Variants in COL6A3 observed in about 807,000 individuals in gnomAD.
COL6A3 encodes the protein collagen type VI alpha 3 chain.
Under a neutral mutation model 274.1 loss-of-function variants are expected in COL6A3, and 137 were observed. The observed-to-expected ratio is 0.50, with a 90% CI of 0.44 to 0.58. The LOEUF (loss-of-function observed/expected upper bound fraction) is 0.58, where lower values mean the gene tolerates loss of function less well. Among genes scored for constraint, COL6A3 ranks in the 20% least tolerant of loss-of-function variants. The pLI, the probability that COL6A3 is intolerant of heterozygous loss-of-function variation, is 0.00. For synonymous variants in COL6A3, 1,650 were observed against 1,650.6 expected, an observed-to-expected ratio of 1.00 and a Z score of 0.01; for missense variants, 3,950 against 4,124.9, an observed-to-expected ratio of 0.96 and a Z score of 1.16.
At position 237,371,160 on chromosome 2, in the gene COL6A3, T is replaced by TC. The variant is rs1389206064; in HGVS notation, c.4285+571dup. Among the ~76,000 whole-genome samples the TC allele has an allele frequency of 2.0e-5, 3 of 152,036 alleles. No homozygotes were observed. Among genetic ancestry groups the TC allele is most frequent in the African/African-American group, 7.2e-5 (3 of 41,394 alleles). On this transcript the variant is annotated intron_variant, in intron 9 of 43. Coordinates refer to ENST00000295550, the MANE Select transcript of COL6A3 (RefSeq NM_004369.4). The surrounding 1 kb of genome is among the most constrained non-coding windows in gnomAD (Gnocchi z 4.3). ...CAAAATGACCTGCCACTAGCTCAAG[T>TC]CCCCCCAGTCCTTCCGGCCACCCTC... is the stretch of plus-strand genomic sequence containing the variant.
intron 1 of COL6A3, among the ~76,000 whole-genome samples, chr2:237,403,849 C>G (rs936695694): frequency 1.3e-5 from 2 of 151,928 alleles, no homozygotes; most frequent in African/African-American, 4.8e-5. Flanking sequence ...AACTTTGCCC[C>G]TTCACTCTCT....
intron 7 of COL6A3, among the ~76,000 whole-genome samples, chr2:237,376,327 A>G (rs6727774): frequency 0.37 from 56,105 of 152,066 alleles, 12,027 homozygotes; most frequent in African/African-American, 0.6. Flanking sequence ...AAAGTTATCT[A>G]CCTCTTCTAC....
intron 36 of COL6A3, chr2:237,343,728 G>C (rs1209140366): frequency 6.1e-6 from 1 of 162,734 alleles, no homozygotes; most frequent in Non-Finnish European, 1.3e-5. Flanking sequence ...ACCTCACTGA[G>C]AGACTACAGG....
Position 237,340,949 on chromosome 2 carries a change from T to G in COL6A3, c.7967A>C (p.Lys2656Thr). The change falls in exon 38 of 44, where the codon AAG (lysine) becomes ACG (threonine). Residue 2656 changes from lysine to threonine, a missense_variant. This residue lies in a region of COL6A3 where 1,284 missense variants were observed against 1,349.7 expected (regional missense o/e 0.95). Transcript: ENST00000295550. Reference sequence around the variant, plus strand: ...CACTCTGGCGAAGTGCTGGGAGGCCTTGGGATCTGGGCTCATGTCCAGTTG... The same window carrying G: ...CACTCTGGCGAAGTGCTGGGAGGCCGTGGGATCTGGGCTCATGTCCAGTTG... ...VRQLDMSPDPKASQHFARVAV... is the reference protein window; with the variant it reads ...VRQLDMSPDPTASQHFARVAV... 1 of 1,614,020 alleles carries G rather than the reference T, an allele frequency of 6.2e-7. No homozygotes were observed. Among genetic ancestry groups the G allele is most frequent in the South Asian group, 1.1e-5 (1 of 91,062 alleles).
Position 237,359,374 on chromosome 2 carries a change from G to A in COL6A3, c.6297C>T (p.Phe2099=). The A allele has an allele frequency of 6.2e-7, 1 of 1,613,856 alleles. No individual in the cohort carries two copies. The highest frequency in any genetic ancestry group is 8.5e-7 in the Non-Finnish European group (1 of 1,179,954). Reference sequence around the variant, plus strand: ...CAAGCTTGCATACCTTCTCTCCTGGGAATCCCCGAGAGCCCTAGAAGGCAA... The same window carrying A: ...CAAGCTTGCATACCTTCTCTCCTGGAAATCCCCGAGAGCCCTAGAAGGCAA... ...GQRGVKGSRG[F]PGEKGEVGEI... The change falls in exon 18 of 44, where the codon TTC becomes TTT. Residue 2099 remains phenylalanine (F), a synonymous_variant. Transcript: ENST00000295550.
chr2:237,337,112 TCAAA>T (rs1484124011), intron 39 of COL6A3, among the ~76,000 whole-genome samples: 3 of 152,174 alleles, frequency 2.0e-5, no homozygotes, highest in Non-Finnish European at 4.4e-5. Flanking sequence ...AGCAGCCTAA[TCAAA>T]CAGACATAAC....
chr2:237,353,516 C>A, intron 24 of COL6A3, 113 bp from the exon 25 acceptor site: 1 of 871,586 alleles, frequency 1.1e-6, no homozygotes, highest in East Asian at 2.5e-5. Context: ...AGGGAAAACT[C>A]AGCTCTTCCA....
At chr2:237,390,722 A>G (rs1443638353) in intron 3 of COL6A3, among the ~76,000 whole-genome samples, 4 of 152,212 alleles carry the variant, frequency 2.6e-5, no homozygotes, top group Non-Finnish European at 4.4e-5. Flanking sequence ...GCCTCCTTTC[A>G]TTAAGAAAAA....
At chr2:237,365,226 A>T (rs1452376569) in intron 12 of COL6A3, among the ~76,000 whole-genome samples, 1 of 151,038 alleles carries the variant, frequency 6.6e-6, no homozygotes, top group East Asian at 1.9e-4. Flanking sequence ...AGCCCTGCCG[A>T]CACCTCGAGG....
At chr2:237,402,098 G>A (rs562250237) in intron 1 of COL6A3, among the ~76,000 whole-genome samples, 1 of 152,226 alleles carries the variant, frequency 6.6e-6, no homozygotes, top group South Asian at 2.1e-4. Flanking sequence ...AGGATATTAT[G>A]CTAAGTGAAA....
rs889162005 is a variant in COL6A3 at position 237,353,231 on chromosome 2, G to C, written c.6690+110C>G. On this transcript the variant is annotated intron_variant, in intron 25 of 43. Transcript: ENST00000295550. ...ATTGTGGAAGTACCAAATGCCACTG[G>C]ATTGTTCACTTTAAAATGGTTAACT... The C allele has an allele frequency of 9.6e-6, 10 of 1,037,824 alleles. No homozygotes were observed. The African/African-American group carries it at 1.6e-4, about 16-fold the overall frequency. 64.3% of individuals were successfully genotyped at this position (1,037,824 alleles called of 1,614,324 possible). A position where few individuals can be genotyped will look rare whatever the true frequency, so the allele number is the denominator to read the frequency against.
chr2:237,363,376 C>G lies in COL6A3; in HGVS notation c.5940G>C (p.Val1980=). Residue 1980 remains valine (V), a synonymous_variant, in exon 14 of 44, where the codon GTG becomes GTC. Transcript: ENST00000295550. The part of the protein sequence containing the change: ...RQEGVRALIL[V]GLERVVNLER... ...CCAAGTTGACCACTCGTTCAAGGCC[C>G]ACCAGGATCAAGGCACGGACTCCTG... The G allele has an allele frequency of 6.2e-7, 1 of 1,614,210 alleles. No individual in the cohort carries two copies. The highest frequency in any genetic ancestry group is 8.5e-7 in the Non-Finnish European group (1 of 1,180,048).
At position 237,380,374 on chromosome 2, in the gene COL6A3, G is replaced by A. The variant is rs145511251; in HGVS notation, c.1897+541C>T. On this transcript the variant is annotated intron_variant, in intron 5 of 43. Transcript: ENST00000295550. ...CCACTGGCAATCATATTAAATGAGGGATTTGAAGAACCACTAGGTTTGAAC... is the reference window on the plus strand; with the variant it reads ...CCACTGGCAATCATATTAAATGAGGAATTTGAAGAACCACTAGGTTTGAAC... 4.1e-3 allele frequency among the ~76,000 whole-genome samples: 618 copies of A among 152,346 alleles called. 5 individuals carry two copies. Among genetic ancestry groups the A allele is most frequent in the Non-Finnish European group, 4.8e-3 (330 of 68,042 alleles).
At chr2:237,349,067 C>T (rs2077153281) in intron 28 of COL6A3, among the ~76,000 whole-genome samples, 1 of 152,038 alleles carries the variant, frequency 6.6e-6, no homozygotes, top group South Asian at 2.1e-4. Flanking sequence ...CACTGAACTC[C>T]ATCTCTCAGG....
At chr2:237,358,956 T>C (rs2077376158) in intron 20 of COL6A3, 79 bp downstream of exon 20, 2 of 1,530,820 alleles carry the variant, frequency 1.3e-6, no homozygotes, top group Non-Finnish European at 1.8e-6. Context: ...TTGATGTATA[T>C]GAGGAAAGAA....
chr2:237,377,896 T>A (rs1015133149), intron 6 of COL6A3, among the ~76,000 whole-genome samples: 4 of 152,258 alleles, frequency 2.6e-5, no homozygotes, highest in East Asian at 1.9e-4. Flanking sequence ...TGGGTCAGGC[T>A]CCTTGTCAAT....
At chr2:237,359,136 C>T (rs1190506064) in intron 19 of COL6A3, 48 bp from the exon 20 acceptor site, 14 of 1,613,626 alleles carry the variant, frequency 8.7e-6, no homozygotes, top group Non-Finnish European at 1.2e-5. Context: ...ATTTCTATCA[C>T]AGACTGAGTT....
Position 237,342,299 on chromosome 2 carries a change from C to T in COL6A3, c.7669-138G>A, listed in dbSNP as rs2077003489. ...TAGGGCAGTATTGGGAATATCTTCT[C>T]ATTTGGGGGTGGGGTTAGGCTCTGA... On this transcript the variant is annotated intron_variant, in intron 36 of 43. Transcript: ENST00000295550. 4 of 729,912 alleles carry T rather than the reference C, an allele frequency of 5.5e-6. No individual in the cohort carries two copies. The South Asian group carries it at 6.1e-5, about 11-fold the overall frequency. 45.2% of individuals were successfully genotyped at this position (729,912 alleles called of 1,614,324 possible).
Position 237,396,723 on chromosome 2 carries a change from T to C in COL6A3, c.91+4A>G, listed in dbSNP as rs770458381. On this transcript the variant is annotated splice_donor_region_variant and intron_variant, in intron 2 of 43. Transcript: ENST00000295550. ...ACAAAATCAAGGACGTTTCTGGCTC[T>C]TACCTGCTTGCTGCTGCTGGGCATG... 3 of 1,614,154 alleles carry C rather than the reference T, an allele frequency of 1.9e-6. No homozygotes were observed. Among genetic ancestry groups the C allele is most frequent in the Non-Finnish European group, 2.5e-6 (3 of 1,179,982 alleles).
Sources: allele counts gnomAD v4.1 joint callset (sites outside exome capture counted in the v4.1 genomes callset), GRCh38; gene constraint gnomAD v4.1.1; regional missense constraint gnomAD v4.1.1; non-coding constraint Gnocchi (gnomAD v3.1); transcripts MANE v1.5; gene names NCBI Gene and HGNC (gene_info 2026-07-23, HGNC 2026-07-21).